The following TSPAN9 variants were observed in gnomAD, a reference collection of about 807,000 sequenced individuals.
The protein encoded by TSPAN9 is tetraspanin 9, also known as tetraspanin-9.
In TSPAN9, 16 loss-of-function variants were observed where a neutral mutation model predicts 31.0. The ratio of observed to expected loss-of-function variants is 0.52; its 90% CI spans 0.35 to 0.78. The LOEUF is 0.78. Among genes scored for constraint, TSPAN9 ranks in the 30% least tolerant of loss-of-function variants. The pLI is 0.01. For missense variants in TSPAN9, 272 were observed against 312.5 expected (o/e 0.87, Z 0.98); for synonymous variants, 145 against 121.6 (o/e 1.19, Z -1.27).
chr12:3,248,948 C>T (rs903005649), intron 3 of TSPAN9, among the ~76,000 whole-genome samples: 16 of 152,332 alleles, frequency 1.1e-4, no homozygotes, highest in Admixed American at 2.0e-4. Flanking sequence ...GTACCCATGC[C>T]GCCTCCCTGA....
chr12:3,120,440 C>T (rs1314606335), intron 2 of TSPAN9, among the ~76,000 whole-genome samples: 1 of 152,194 alleles, frequency 6.6e-6, no homozygotes, highest in East Asian at 1.9e-4. Flanking sequence ...TCCCCTGGAG[C>T]CTGCTCTCCC....
At chr12:3,249,617 T>C (rs677991) in intron 3 of TSPAN9, among the ~76,000 whole-genome samples, 120,889 of 152,208 alleles carry the variant, frequency 0.79, 51,268 homozygotes, top group Non-Finnish European at 0.95. Context: ...AAGGTCGGAA[T>C]GGACTGTGGT....
At chr12:3,110,435 A>T (rs553592154) in intron 2 of TSPAN9, among the ~76,000 whole-genome samples, 2 of 152,332 alleles carry the variant, frequency 1.3e-5, no homozygotes, top group East Asian at 1.9e-4. Context: ...TTAGTGAGGT[A>T]TGGGGCACAG....
At chr12:3,136,004 G>A (rs1467423695) in intron 2 of TSPAN9, among the ~76,000 whole-genome samples, 2 of 152,146 alleles carry the variant, frequency 1.3e-5, no homozygotes, top group East Asian at 3.9e-4. Flanking sequence ...CAGTGTCCCC[G>A]AGGAAAGTCC....
chr12:3,225,056 G>A (rs1005956360), intron 3 of TSPAN9, among the ~76,000 whole-genome samples: 4 of 151,392 alleles, frequency 2.6e-5, no homozygotes, highest in Non-Finnish European at 5.9e-5. Context: ...TAGCCCATGC[G>A]GTCAAAGAGC....
At chr12:3,173,266 T>C (rs989279572) in intron 2 of TSPAN9, 1 of 152,384 alleles carries the variant, frequency 6.6e-6, no homozygotes, top group Admixed American at 6.5e-5. Context: ...CCTCACGAGC[T>C]GTATGACCAC....
chr12:3,098,992 A>T (rs2098310547), intron 2 of TSPAN9, among the ~76,000 whole-genome samples: 1 of 152,112 alleles, frequency 6.6e-6, no homozygotes, highest in South Asian at 2.1e-4. Flanking sequence ...ACCTCAGGTG[A>T]TCCACCTGCC....
chr12:3,081,507 A>C (rs563363629), intron 1 of TSPAN9, among the ~76,000 whole-genome samples: 4 of 152,008 alleles, frequency 2.6e-5, no homozygotes, highest in Admixed American at 2.0e-4. Flanking sequence ...GACCTTTCTC[A>C]TGTCTGAGCT....
At chr12:3,165,608 T>C (rs886944467) in intron 2 of TSPAN9, among the ~76,000 whole-genome samples, 1 of 152,186 alleles carries the variant, frequency 6.6e-6, no homozygotes, top group Admixed American at 6.5e-5. Context: ...AAGGAGATAC[T>C]GAGGCCCAGA....
intron 2 of TSPAN9, among the ~76,000 whole-genome samples, chr12:3,164,526 T>C (rs2098347246): frequency 6.6e-6 from 1 of 152,194 alleles, no homozygotes. Context: ...TTGGGTTAGC[T>C]CCTCTCCCTG....
At chr12:3,228,385 C>G (rs1280720965) in intron 3 of TSPAN9, among the ~76,000 whole-genome samples, 1 of 152,198 alleles carries the variant, frequency 6.6e-6, no homozygotes, top group Non-Finnish European at 1.5e-5. Context: ...AATAAATAAG[C>G]TCTCCTCACA....
intron 3 of TSPAN9, among the ~76,000 whole-genome samples, chr12:3,205,040 T>C (rs1362837181): frequency 6.6e-6 from 1 of 151,996 alleles, no homozygotes; most frequent in African/African-American, 2.4e-5. Flanking sequence ...TGGGGTCATG[T>C]GTACCCTTCC....
chr12:3,267,222 A>T (rs1862553128), intron 3 of TSPAN9, among the ~76,000 whole-genome samples: 1 of 152,162 alleles, frequency 6.6e-6, no homozygotes, highest in African/African-American at 2.4e-5. Flanking sequence ...TTGCCAGAAG[A>T]TGGTATCCTT....
At chr12:3,237,562 G>A (rs752141326) in intron 3 of TSPAN9, among the ~76,000 whole-genome samples, 2 of 152,148 alleles carry the variant, frequency 1.3e-5, no homozygotes, top group African/African-American at 4.8e-5. Context: ...TGTCCCACCC[G>A]AGGCAGGCTG....
At position 3,283,208 on chromosome 12, in the gene TSPAN9, G is replaced by A. The variant is rs1160402200; in HGVS notation, c.*92G>A. 2 of 1,390,650 alleles carry A rather than the reference G, an allele frequency of 1.4e-6. No individual in the cohort carries two copies. The highest frequency in any genetic ancestry group is 1.8e-5 in the Admixed American group (1 of 56,690). The allele number at this position is 1,390,650 out of a possible 1,614,324, so 86.1% of individuals were successfully genotyped here. A position where few individuals can be genotyped will look rare whatever the true frequency, so the allele number is the denominator to read the frequency against. On this transcript the variant is annotated 3_prime_UTR_variant, in exon 9 of 9. Transcript: ENST00000011898. ...TCACCTGCCTGCGCTCTCCAGATAT[G>A]ACCCCTGCACCCACCCCCCACAGCC...
At chr12:3,270,563 A>G (rs2153980014) in intron 3 of TSPAN9, among the ~76,000 whole-genome samples, 1 of 152,318 alleles carries the variant, frequency 6.6e-6, no homozygotes, top group East Asian at 1.9e-4. Context: ...TGCCCCCCAT[A>G]CTGAGGCTAG....
intron 3 of TSPAN9, among the ~76,000 whole-genome samples, chr12:3,270,973 T>A (rs769440040): frequency 6.6e-6 from 1 of 152,244 alleles, no homozygotes; most frequent in Non-Finnish European, 1.5e-5. Context: ...CCAAACACGA[T>A]GCCCCTTAAG....
chr12:3,140,077 A>G (rs553095970), intron 2 of TSPAN9, among the ~76,000 whole-genome samples: 3 of 152,310 alleles, frequency 2.0e-5, no homozygotes, highest in Middle Eastern at 3.4e-3. Flanking sequence ...TAGGAAGGGT[A>G]TCTCAGGGCA....
chr12:3,267,661 G>GA (rs58642803), intron 3 of TSPAN9, among the ~76,000 whole-genome samples: 1 of 152,206 alleles, frequency 6.6e-6, no homozygotes, highest in Non-Finnish European at 1.5e-5. Flanking sequence ...ATGCAGGAAG[G>GA]AAAAAATATG....
Sources: gnomAD v4.1 joint callset for allele counts (sites outside exome capture counted in the v4.1 genomes callset) on GRCh38, gnomAD v4.1.1 for gene constraint, MANE v1.5 for transcripts, NCBI Gene and HGNC (gene_info 2026-07-23, HGNC 2026-07-21) for gene names.